Variants in PCDH15 observed in about 807,000 individuals in gnomAD.
PCDH15 encodes protocadherin related 15, also known as protocadherin-15.
Under a neutral mutation model 178.5 loss-of-function variants are expected in PCDH15, and 129 were observed. The ratio of observed to expected loss-of-function variants is 0.72; its 90% CI spans 0.63 to 0.84. The LOEUF (loss-of-function observed/expected upper bound fraction) is 0.84, where lower values mean the gene tolerates loss of function less well. Ranked by LOEUF, PCDH15 falls within the 40% of genes least tolerant of loss-of-function variation. The pLI, the probability that PCDH15 is intolerant of heterozygous loss-of-function variation, is 0.00. For missense variants in PCDH15, 2,230 were observed against 2,099.9 expected, an observed-to-expected ratio of 1.06 and a Z score of -1.21; for synonymous variants, 800 against 732.0, an observed-to-expected ratio of 1.09 and a Z score of -1.50.
intron 3 of PCDH15, among the ~76,000 whole-genome samples, chr10:54,441,560 C>G (rs924275030): frequency 2.6e-5 from 4 of 151,852 alleles, no homozygotes; most frequent in African/African-American, 9.7e-5. Context: ...TGATTCACCA[C>G]CTGTTGCAAG....
chr10:54,064,551 G>A (rs1449727585), intron 18 of PCDH15, among the ~76,000 whole-genome samples: 5 of 152,128 alleles, frequency 3.3e-5, no homozygotes, highest in Admixed American at 3.3e-4. Flanking sequence ...TGCCCAGGCT[G>A]TTTATGAGGA....
chr10:54,094,767 T>C (rs1047855228), intron 15 of PCDH15, among the ~76,000 whole-genome samples: 2 of 152,198 alleles, frequency 1.3e-5, no homozygotes, highest in African/African-American at 4.8e-5. Context: ...AATATAATTT[T>C]AATTTTGCCT....
intron 2 of PCDH15, among the ~76,000 whole-genome samples, chr10:55,031,533 T>A (rs896136778): frequency 1.3e-4 from 20 of 152,186 alleles, no homozygotes; most frequent in African/African-American, 4.8e-4. Flanking sequence ...CAGACCGGCA[T>A]TAAAAAGACA....
rs58458871 is a variant in PCDH15, at chr10:53,849,860, CAAAAAAAAAAAAA to C, written c.3806+7302_3806+7314del. 2.1e-4 allele frequency among the ~76,000 whole-genome samples: 11 copies of C among 52,726 alleles called. No homozygotes were observed. In the East Asian group the frequency reaches 5.7e-3, roughly 27 times the overall value. The allele number at this position is 52,726 out of a possible 152,430, so 34.6% of individuals were successfully genotyped here. The stretch of plus-strand genomic sequence containing the variant: ...TGTGCGACAGAGGAAGGCTCCGTCT[CAAAAAAAAAAAAA>C]AAAAAAAAAAGAAAGAAAGAAAAAT... On this transcript the variant is annotated intron_variant, in intron 28 of 37. Transcript: ENST00000644397.
intron 1 of PCDH15, among the ~76,000 whole-genome samples, chr10:54,693,598 A>G (rs1285631701): frequency 6.6e-6 from 1 of 152,172 alleles, no homozygotes; most frequent in Non-Finnish European, 1.5e-5. Flanking sequence ...GTAGACTCTA[A>G]TGGTGATTGC....
intron 2 of PCDH15, among the ~76,000 whole-genome samples, chr10:54,920,877 T>A (rs905677753): frequency 1.5e-4 from 23 of 152,300 alleles, no homozygotes; most frequent in African/African-American, 5.5e-4. Context: ...TTTGTAAATG[T>A]AATGATGAAT....
chr10:53,890,134 A>T (rs1410825696), intron 26 of PCDH15, among the ~76,000 whole-genome samples: 1 of 152,192 alleles, frequency 6.6e-6, no homozygotes, highest in Non-Finnish European at 1.5e-5. Context: ...ATACATCAAA[A>T]ATATTCTTTT....
At chr10:55,014,072 AAAGT>A (rs1277608795) in intron 2 of PCDH15, among the ~76,000 whole-genome samples, 6 of 152,174 alleles carry the variant, frequency 3.9e-5, no homozygotes, top group Non-Finnish European at 8.8e-5. Context: ...GCAAAAGGCA[AAAGT>A]AAGAAGAAAC....
At chr10:55,355,549 T>C (rs974971002) in intron 2 of PCDH15, among the ~76,000 whole-genome samples, 1 of 151,968 alleles carries the variant, frequency 6.6e-6, no homozygotes, top group African/African-American at 2.4e-5. Flanking sequence ...CTGGGTTAAG[T>C]GTCCCAGGTC....
chr10:54,176,231 T>C (rs2047421699), intron 13 of PCDH15, among the ~76,000 whole-genome samples: 1 of 152,186 alleles, frequency 6.6e-6, no homozygotes, highest in Admixed American at 6.6e-5. Context: ...GGTTAGATCA[T>C]TAAAAGTTTT....
intron 1 of PCDH15, among the ~76,000 whole-genome samples, chr10:55,262,203 AG>A (rs1842163679): frequency 6.6e-6 from 1 of 150,844 alleles, no homozygotes; most frequent in East Asian, 2.0e-4. Flanking sequence ...GAAAGAAAAA[AG>A]GAAGGAAAAC....
intron 3 of PCDH15, among the ~76,000 whole-genome samples, chr10:54,427,388 C>T (rs1434893318): frequency 1.4e-5 from 2 of 146,344 alleles, no homozygotes; most frequent in Non-Finnish European, 3.0e-5. Context: ...AATTGATTCT[C>T]CTGCCTCAGC....
chr10:54,013,086 A>G (rs2092639765), intron 20 of PCDH15, among the ~76,000 whole-genome samples: 2 of 152,200 alleles, frequency 1.3e-5, no homozygotes, highest in African/African-American at 2.4e-5. Context: ...AAAACAGAAA[A>G]TAGAAAAAGC....
chr10:54,121,656 C>T (rs1564469529), intron 15 of PCDH15, among the ~76,000 whole-genome samples: 1 of 152,206 alleles, frequency 6.6e-6, no homozygotes, highest in South Asian at 2.1e-4. Context: ...AAAACTCCCT[C>T]ATAGACAACT....
intron 2 of PCDH15, among the ~76,000 whole-genome samples, chr10:55,449,139 T>A (rs1839379823): frequency 6.6e-6 from 1 of 152,014 alleles, no homozygotes; most frequent in Admixed American, 6.6e-5. Flanking sequence ...TCTAAATATT[T>A]TTAAGTATAG....
chr10:54,711,929 A>G (rs952418367), intron 1 of PCDH15, among the ~76,000 whole-genome samples: 1 of 151,920 alleles, frequency 6.6e-6, no homozygotes, highest in African/African-American at 2.4e-5. Flanking sequence ...ACTTCCAGAT[A>G]TGTCATAAGT....
At chr10:55,477,897 T>C (rs1261747162) in intron 2 of PCDH15, among the ~76,000 whole-genome samples, 2 of 151,812 alleles carry the variant, frequency 1.3e-5, no homozygotes, top group East Asian at 3.9e-4. Context: ...AGTGGCTGAA[T>C]AGATAAAACA....
Position 54,030,158 on chromosome 10 carries a change from G to A in PCDH15, c.2221-6961C>T, listed in dbSNP as rs111780551. ...TGAACTACCATGTAGCACCTAATTG[G>A]CCCAGTGTGAAGCTGAGAGAGTGCT... On this transcript the variant is annotated intron_variant, in intron 18 of 37. Transcript: ENST00000644397. 3.1e-3 allele frequency among the ~76,000 whole-genome samples: 470 copies of A among 152,064 alleles called. 3 individuals carry two copies. Among genetic ancestry groups the A allele is most frequent in the African/African-American group, 0.01 (429 of 41,492 alleles).
At chr10:54,543,616 G>A (rs1041224545) in intron 2 of PCDH15, among the ~76,000 whole-genome samples, 4 of 152,222 alleles carry the variant, frequency 2.6e-5, no homozygotes, top group Admixed American at 2.6e-4. Context: ...GTAATGAACT[G>A]GCCTATGAAA....
Sources: gnomAD v4.1 joint callset for allele counts (sites outside exome capture counted in the v4.1 genomes callset) on GRCh38, gnomAD v4.1.1 for gene constraint, MANE v1.5 for transcripts, NCBI Gene and HGNC (gene_info 2026-07-23, HGNC 2026-07-21) for gene names.